Variants in COCH observed in about 807,000 individuals in gnomAD.
COCH encodes coagulation factor C homolog, cochlin (Limulus polyphemus).
COCH carries 40 observed loss-of-function variants against 54.8 expected under a neutral mutation model. The observed-to-expected ratio is 0.73, with a 90% CI of 0.57 to 0.95. COCH has a LOEUF of 0.95. Among genes scored for constraint, COCH ranks in the 40% least tolerant of loss-of-function variants. The pLI is 0.00. For synonymous variants in COCH, 256 were observed against 237.9 expected (o/e 1.08, Z -0.70); for missense variants, 605 against 675.0 (o/e 0.90, Z 1.15).
chr14:30,894,841 C>A, downstream of COCH: 1 of 509,318 alleles, frequency 2.0e-6, no homozygotes. Context: ...GAATTTTATC[C>A]AAACATTTTG....
In COCH at chr14:30,877,543, G is replaced by C. The variant is rs1287462959; in HGVS notation, c.83-29G>C. On this transcript the variant is annotated intron_variant, in intron 3 of 11. Transcript: ENST00000396618. This position sits in a 1 kb window ranked among gnomAD's most constrained non-coding sequence, Gnocchi z 8.6. Reference sequence around the variant, plus strand: ...CTATGCCCCAAGAAGTCCTAAGAATGCTTACAATATTATCTCCTTTTTCTT... The same window carrying C: ...CTATGCCCCAAGAAGTCCTAAGAATCCTTACAATATTATCTCCTTTTTCTT... 3 of 1,612,880 alleles carry C rather than the reference G, an allele frequency of 1.9e-6. No individual in the cohort carries two copies. The South Asian group carries it at 3.3e-5, about 18-fold the overall frequency.
chr14:30,879,354 TA>T, intron 5 of COCH, 68 bp from the exon 6 acceptor site: 1 of 1,473,616 alleles, frequency 6.8e-7, no homozygotes. Flanking sequence ...TAGAGAGCTC[TA>T]AATTAGATTC....
intron 3 of COCH, chr14:30,875,932 G>T (rs943897168): frequency 8.5e-5 from 13 of 152,266 alleles, no homozygotes; most frequent in African/African-American, 3.1e-4. Context: ...AGGCTGTTTA[G>T]GGGTAAGGAT....
chr14:30,884,834 C>T lies in COCH; in HGVS notation c.733+178C>T, dbSNP rs1895726413. On this transcript the variant is annotated intron_variant, in intron 9 of 11. Transcript: ENST00000396618. Reference sequence around the variant, plus strand: ...ATTTTCAATTTATAATGGAAGTATACCAAAGTGTTGATATTTCTTATTTTA... The same window carrying T: ...ATTTTCAATTTATAATGGAAGTATATCAAAGTGTTGATATTTCTTATTTTA... 3.5e-6 allele frequency: 5 copies of T among 1,429,660 alleles called. No homozygotes were observed. In the East Asian group the frequency reaches 9.9e-5, roughly 28 times the overall value. 88.6% of individuals were successfully genotyped at this position (1,429,660 alleles called of 1,614,324 possible).
At position 30,877,502 on chromosome 14, in the gene COCH, T is replaced by C. The variant is rs916981423; in HGVS notation, c.83-70T>C. The C allele has an allele frequency of 1.9e-6, 3 of 1,580,740 alleles. No homozygotes were observed. The African/African-American group carries it at 4.0e-5, about 21-fold the overall frequency. On this transcript the variant is annotated intron_variant, in intron 3 of 11. Coordinates refer to ENST00000396618, the MANE Select transcript of COCH (RefSeq NM_004086.3). The surrounding 1 kb of genome is among the most constrained non-coding windows in gnomAD (Gnocchi z 8.6). ...GGGAAGTAAAACTTAAATCTCACAC[T>C]GTAGTCTCCCCACCACTATGCCCCA...
rs1566412397 is a variant in COCH, at chr14:30,885,064, C to G, written c.734-330C>G. Reference sequence around the variant, plus strand: ...GAGGTACTAATCAGTCACCAAAGGGCTACATAGAGAGCACATGCATGGAAG... The same window carrying G: ...GAGGTACTAATCAGTCACCAAAGGGGTACATAGAGAGCACATGCATGGAAG... On this transcript the variant is annotated intron_variant, in intron 9 of 11. Coordinates refer to ENST00000396618, the MANE Select transcript of COCH (RefSeq NM_004086.3). 3.8e-6 allele frequency: 6 copies of G among 1,588,096 alleles called. No individual in the cohort carries two copies. In the South Asian group the frequency reaches 6.8e-5, roughly 18 times the overall value.
intron 3 of COCH, 50 bp downstream of exon 3, chr14:30,875,153 C>T: frequency 1.9e-6 from 3 of 1,543,130 alleles, no homozygotes; most frequent in South Asian, 2.4e-5. Flanking sequence ...GGCTGAGCAC[C>T]AGCGGGTACA....
chr14:30,880,537 C>G (rs753694963), intron 7 of COCH, 41 bp downstream of exon 7: 5 of 1,614,118 alleles, frequency 3.1e-6, no homozygotes, highest in Non-Finnish European at 4.2e-6. Flanking sequence ...AGCATTTTCC[C>G]TCCCTCCTCT....
chr14:30,879,347 A>G (rs1895486816), intron 5 of COCH, 76 bp from the exon 6 acceptor site: 1 of 1,403,756 alleles, frequency 7.1e-7, no homozygotes, highest in East Asian at 2.4e-5. Flanking sequence ...GTCATTGTAG[A>G]GAGCTCTAAA....
chr14:30,879,376 G>A, intron 5 of COCH, 47 bp from the exon 6 acceptor site: 3 of 1,566,342 alleles, frequency 1.9e-6, no homozygotes, highest in South Asian at 2.2e-5. Context: ...ATAATACTTT[G>A]GTAAAGAAGG....
At position 30,885,828 on chromosome 14, in the gene COCH, C is replaced by T; in HGVS notation, c.993C>T (p.Tyr331=). The T allele has an allele frequency of 6.2e-7, 1 of 1,614,078 alleles. No individual in the cohort carries two copies. Among genetic ancestry groups the T allele is most frequent in the Non-Finnish European group, 8.5e-7 (1 of 1,179,970 alleles). ...GTCGGAATAATGGCTTCTTCTCTTA[C>T]CACATGCCCAACTGGTTTGGCACCA... ...AVCRNNGFFS[Y]HMPNWFGTTK... is the part of the protein sequence containing the mutation. The change falls in exon 11 of 12, where the codon TAC becomes TAT. Residue 331 remains tyrosine (Y), a synonymous_variant. Transcript: ENST00000396618.
chr14:30,874,840 G>T, intron 1 of COCH, 76 bp from the exon 2 acceptor site: 1 of 1,393,788 alleles, frequency 7.2e-7, no homozygotes, highest in South Asian at 1.2e-5. Flanking sequence ...GGGATCCGAA[G>T]GGTGCGGGGC....
rs1167190599 is a variant in COCH at position 30,885,971 on chromosome 14, G to A, written c.1136G>A (p.Gly379Glu). The A allele has an allele frequency of 1.2e-6, 2 of 1,614,098 alleles. No homozygotes were observed. Among genetic ancestry groups the A allele is most frequent in the Middle Eastern group, 1.6e-4 (1 of 6,084 alleles). The change falls in exon 11 of 12, where the codon GGA becomes GAA. Residue 379 changes from glycine (G) to glutamate (E), a missense_variant. Physicochemically the swap from Gly to Glu is moderately conservative, Grantham distance 98. Coordinates refer to ENST00000396618, the MANE Select transcript of COCH (RefSeq NM_004086.3). ...CTAATTGATGGCTCCAGCAGTGTTGGAGATAGCAATTTCCGCCTCATGCTT... is the reference window on the plus strand; with the variant it reads ...CTAATTGATGGCTCCAGCAGTGTTGAAGATAGCAATTTCCGCCTCATGCTT... ...AFLIDGSSSV[G>E]DSNFRLMLEF...
At chr14:30,883,348 ATTC>A (rs138585462) in intron 8 of COCH, among the ~76,000 whole-genome samples, 2,189 of 152,302 alleles carry the variant, frequency 0.014, 43 homozygotes, top group African/African-American at 0.049. Context: ...TTGAAGATGA[ATTC>A]TTCATTACCT....
downstream of COCH, chr14:30,895,219 C>A: frequency 1.6e-6 from 1 of 614,538 alleles, no homozygotes; most frequent in South Asian, 2.9e-5. Flanking sequence ...CTTTGTCCCA[C>A]AAAATACAGT....
intron 9 of COCH, 133 bp downstream of exon 9, chr14:30,884,789 C>A: frequency 7.7e-7 from 1 of 1,303,030 alleles, no homozygotes; most frequent in Non-Finnish European, 1.1e-6. Flanking sequence ...GCTAGGTCTG[C>A]ATTTGATCAT....
chr14:30,882,914 T>A (rs1895665782), intron 8 of COCH, among the ~76,000 whole-genome samples: 1 of 152,180 alleles, frequency 6.6e-6, no homozygotes, highest in Non-Finnish European at 1.5e-5. Flanking sequence ...ATAGCGAAAT[T>A]GCTTCCTAGA....
At chr14:30,887,502 C>G (rs1895831572) in intron 11 of COCH, among the ~76,000 whole-genome samples, 1 of 152,158 alleles carries the variant, frequency 6.6e-6, no homozygotes, top group African/African-American at 2.4e-5. Flanking sequence ...CTTCCTCACC[C>G]CAGCCTTAAT....
downstream of COCH, chr14:30,895,445 G>C (rs895052706): frequency 6.2e-7 from 1 of 1,612,770 alleles, no homozygotes; most frequent in Non-Finnish European, 8.5e-7. Flanking sequence ...ATCAGCTCCT[G>C]CACTAGCTAT....
Sources: gnomAD v4.1 joint callset for allele counts (sites outside exome capture counted in the v4.1 genomes callset) on GRCh38, gnomAD v4.1.1 for gene constraint, Gnocchi (gnomAD v3.1) non-coding constraint, MANE v1.5 for transcripts, NCBI Gene and HGNC (gene_info 2026-07-23, HGNC 2026-07-21) for gene names.